HELZ: variants seen among roughly 807,000 people sequenced by gnomAD.
HELZ encodes the protein helicase with zinc finger.
Under a neutral mutation model 218.2 loss-of-function variants are expected in HELZ, and 23 were observed. The observed-to-expected ratio is 0.11, with a 90% CI of 0.08 to 0.15. The LOEUF (loss-of-function observed/expected upper bound fraction) is 0.15. Ranked by LOEUF, HELZ falls within the 10% of genes least tolerant of loss-of-function variation. The pLI, the probability that HELZ is intolerant of heterozygous loss-of-function variation, is 1.00. For missense variants in HELZ, 1,813 were observed against 2,353.7 expected (o/e 0.77, Z 4.75); for synonymous variants, 814 against 829.4 (o/e 0.98, Z 0.32).
In HELZ at chr17:67,188,578, A is replaced by G; in HGVS notation, c.903T>C (p.Asp301=). ...RMLYRVALLY[D]AHRPHFSIIA... is the part of the protein sequence containing the mutation. ...TGATACTAAAATGAGGACGATGAGC[A>G]TCATAAAGCAATGCTACACGATACA... Residue 301 remains aspartate (D), a synonymous_variant, in exon 12 of 33, where the codon GAT becomes GAC. Transcript: ENST00000358691. This position sits in a 1 kb window ranked among gnomAD's most constrained non-coding sequence, Gnocchi z 4.1. 1 of 1,613,822 alleles carries G rather than the reference A, an allele frequency of 6.2e-7. No individual in the cohort carries two copies. The highest frequency in any genetic ancestry group is 8.5e-7 in the Non-Finnish European group (1 of 1,179,768).
chr17:67,223,486 C>T (rs1467188300), intron 3 of HELZ, among the ~76,000 whole-genome samples: 1 of 152,130 alleles, frequency 6.6e-6, no homozygotes, highest in Non-Finnish European at 1.5e-5. Flanking sequence ...CGTGGTGGCT[C>T]ACGCCTGTAA....
At chr17:67,175,625 G>A (rs931347570) in intron 13 of HELZ, among the ~76,000 whole-genome samples, 3 of 152,120 alleles carry the variant, frequency 2.0e-5, no homozygotes, top group African/African-American at 7.2e-5. Context: ...CTTTGTATGT[G>A]TACCAATTCT....
chr17:67,245,068 G>A, intron 1 of HELZ, 80 bp downstream of exon 1: 3 of 984,820 alleles, frequency 3.0e-6, no homozygotes, highest in Non-Finnish European at 3.6e-6. Context: ...CACCGGAGGG[G>A]AGTCGGGTCC....
intron 6 of HELZ, among the ~76,000 whole-genome samples, chr17:67,202,521 A>T (rs1295664777): frequency 1.3e-5 from 2 of 152,218 alleles, no homozygotes; most frequent in African/African-American, 2.4e-5. Context: ...ATCAAATGCT[A>T]TATTTACAAA....
At chr17:67,203,169 T>C (rs2040211261) in intron 6 of HELZ, 150 bp downstream of exon 6, 2 of 685,378 alleles carry the variant, frequency 2.9e-6, no homozygotes, top group East Asian at 5.5e-5. Flanking sequence ...GAAAAATGGG[T>C]ACTATATCTC....
At chr17:67,141,792 C>A (rs2038333934) in intron 21 of HELZ, among the ~76,000 whole-genome samples, 2 of 152,074 alleles carry the variant, frequency 1.3e-5, no homozygotes, top group South Asian at 4.1e-4. Context: ...CACCTATAAT[C>A]CCAACACTTT....
Position 67,188,348 on chromosome 17 carries a change from C to G in HELZ, c.1133G>C (p.Arg378Thr), listed in dbSNP as rs754751108. ...TGTAGAAGCTGCATCAATCATTACT[C>G]TTTGCATGAGTACTGGTTCCAATCC... is the stretch of plus-strand genomic sequence containing the variant. ...DFGLEPVLMQRVMIDAASTED... is the reference protein window; with the variant it reads ...DFGLEPVLMQTVMIDAASTED... Residue 378 changes from arginine to threonine, a missense_variant, in exon 12 of 33, where the codon AGA (arginine) becomes ACA (threonine). Arg to Thr is a moderately conservative substitution (Grantham distance 71). Around this residue, in one of 4 missense-constraint regions of HELZ, gnomAD observed 714 missense variants for 1,029.2 expected, o/e 0.69. Transcript: ENST00000358691. The surrounding 1 kb of genome is among the most constrained non-coding windows in gnomAD (Gnocchi z 4.1). 2.5e-6 allele frequency: 4 copies of G among 1,612,706 alleles called. No homozygotes were observed. The highest frequency in any genetic ancestry group is 3.4e-6 in the Non-Finnish European group (4 of 1,178,868).
intron 31 of HELZ, among the ~76,000 whole-genome samples, chr17:67,090,166 T>G (rs2036536869): frequency 6.6e-6 from 1 of 152,192 alleles, no homozygotes; most frequent in Admixed American, 6.5e-5. Flanking sequence ...TCTATTGATA[T>G]GATTGTGTGA....
At chr17:67,237,987 T>C (rs1268815442) in intron 3 of HELZ, among the ~76,000 whole-genome samples, 6 of 103,558 alleles carry the variant, frequency 5.8e-5, no homozygotes, top group Admixed American at 3.2e-4. Context: ...AGACTCCATC[T>C]CAAAAAAAAA....
rs979422443 is a variant in HELZ, at chr17:67,188,947, G to A, written c.865-331C>T. Among the ~76,000 whole-genome samples the A allele has an allele frequency of 1.3e-5, 2 of 152,078 alleles. No individual in the cohort carries two copies. The highest frequency in any genetic ancestry group is 1.9e-4 in the East Asian group (1 of 5,200). ...ATGTAGCCTCAAGTAGGAAGCCTTCGTAAGAGGGCAGTTACCTCTGAAAGC... is the reference window on the plus strand; with the variant it reads ...ATGTAGCCTCAAGTAGGAAGCCTTCATAAGAGGGCAGTTACCTCTGAAAGC... On this transcript the variant is annotated intron_variant, in intron 11 of 32. Coordinates refer to ENST00000358691, the MANE Select transcript of HELZ (RefSeq NM_014877.4). The surrounding 1 kb of genome is among the most constrained non-coding windows in gnomAD (Gnocchi z 4.1).
rs769994003 is a variant in HELZ at position 67,078,478 on chromosome 17, G to T, written c.5603C>A (p.Pro1868His). Residue 1868 changes from proline (P) to histidine (H), a missense_variant, in exon 33 of 33, where the codon CCC (proline) becomes CAC (histidine). Physicochemically the swap from Pro to His is moderately conservative, Grantham distance 77 (BLOSUM62 -2). Coordinates refer to ENST00000358691, the MANE Select transcript of HELZ (RefSeq NM_014877.4). The part of the protein sequence containing the change: ...SVLQHLGQFP[P>H]LMPNKQIAES... ...CGCGATCTGCTTGTTAGGCATAAGG[G>T]GTGGAAACTGGCCAAGATGCTGCAG... The T allele has an allele frequency of 1.9e-6, 3 of 1,579,948 alleles. No individual in the cohort carries two copies. The highest frequency in any genetic ancestry group is 2.6e-6 in the Non-Finnish European group (3 of 1,166,070).
Position 67,234,783 on chromosome 17 carries a change from C to T in HELZ, c.-19+4650G>A, listed in dbSNP as rs73994521. Reference sequence around the variant, plus strand: ...TATATTCCTTTATGTATCCTAGGACCCAGGAAACTTGGATATGCAATTTCC... The same window carrying T: ...TATATTCCTTTATGTATCCTAGGACTCAGGAAACTTGGATATGCAATTTCC... On this transcript the variant is annotated intron_variant, in intron 3 of 32. Transcript: ENST00000358691. Among the ~76,000 whole-genome samples the T allele has an allele frequency of 3.0e-3, 461 of 152,186 alleles. 2 individuals are homozygous for T. The highest frequency in any genetic ancestry group is 0.011 in the African/African-American group (444 of 41,510).
At chr17:67,119,994 T>TTTC in intron 27 of HELZ, 1 of 163,420 alleles carries the variant, frequency 6.1e-6, no homozygotes, top group Non-Finnish European at 1.2e-5. Flanking sequence ...CTCCCTTTTC[T>TTTC]TTTTTTTTTT....
chr17:67,125,096 T>C (rs762852694), intron 24 of HELZ, among the ~76,000 whole-genome samples: 21 of 150,898 alleles, frequency 1.4e-4, no homozygotes, highest in Non-Finnish European at 2.1e-4. Context: ...TATCTAACTG[T>C]TGGAAAGAGC....
At chr17:67,139,255 G>A (rs1290641303) in intron 21 of HELZ, among the ~76,000 whole-genome samples, 2 of 152,156 alleles carry the variant, frequency 1.3e-5, no homozygotes, top group East Asian at 3.9e-4. Context: ...TGATACAGCA[G>A]CAAGTGTATC....
rs1185657762 is a variant in HELZ, at chr17:67,075,629, A to G, written c.*2623T>C. The G allele has an allele frequency of 6.6e-6, 1 of 152,222 alleles. No homozygotes were observed. The highest frequency in any genetic ancestry group is 1.5e-5 in the Non-Finnish European group (1 of 68,030). 9.4% of individuals were successfully genotyped at this position (152,222 alleles called of 1,614,324 possible). ...TTACACAAGACGTGTTCAAAATGTT[A>G]TAAGATACTATGCGTAAAGAGCAGG... On this transcript the variant is annotated 3_prime_UTR_variant, in exon 33 of 33. Transcript: ENST00000358691.
intron 31 of HELZ, among the ~76,000 whole-genome samples, chr17:67,104,348 A>C (rs1019883050): frequency 2.0e-5 from 3 of 151,578 alleles, no homozygotes; most frequent in Non-Finnish European, 4.4e-5. Flanking sequence ...GTGAGGCAGC[A>C]GAATGGCGTG....
At position 67,108,481 on chromosome 17, in the gene HELZ, C is replaced by T. The variant is rs1017223395; in HGVS notation, c.4724+11G>A. 19 of 1,605,930 alleles carry T rather than the reference C, an allele frequency of 1.2e-5. No homozygotes were observed. The East Asian group carries it at 2.2e-4, about 19-fold the overall frequency. On this transcript the variant is annotated intron_variant, in intron 30 of 32. Coordinates refer to ENST00000358691, the MANE Select transcript of HELZ (RefSeq NM_014877.4). The surrounding 1 kb of genome is among the most constrained non-coding windows in gnomAD (Gnocchi z 4.1). ...CGCATTCCAGGGGCTATTTTCAGTC[C>T]GCTGGAATACCTTGAGTATGTGGTC...
chr17:67,166,785 C>G (rs2039159014), intron 14 of HELZ, among the ~76,000 whole-genome samples, 177 bp from the exon 15 acceptor site: 1 of 152,064 alleles, frequency 6.6e-6, no homozygotes, highest in Admixed American at 6.6e-5. Flanking sequence ...TCATTTATAA[C>G]CAGGCACTGT....
Sources: gnomAD v4.1 joint callset for allele counts (sites outside exome capture counted in the v4.1 genomes callset) on GRCh38, gnomAD v4.1.1 for gene constraint, gnomAD v4.1.1 regional missense constraint, Gnocchi (gnomAD v3.1) non-coding constraint, MANE v1.5 for transcripts, NCBI Gene and HGNC (gene_info 2026-07-23, HGNC 2026-07-21) for gene names.